Variants in SLC37A3 observed in about 807,000 individuals in gnomAD.
The protein encoded by SLC37A3 is sugar phosphate exchanger 3.
In SLC37A3, 51 loss-of-function variants were observed where a neutral mutation model predicts 67.1. The observed-to-expected ratio is 0.76, with a 90% CI of 0.61 to 0.96. The LOEUF is 0.96. SLC37A3 is among the 40% of genes least tolerant of loss of function. The pLI is 0.00. For missense variants in SLC37A3, 508 were observed against 603.0 expected (o/e 0.84, Z 1.65); for synonymous variants, 214 against 231.4 (o/e 0.92, Z 0.68).
chr7:140,359,886 CTG>C (rs1797195757), intron 5 of SLC37A3, among the ~76,000 whole-genome samples: 1 of 152,042 alleles, frequency 6.6e-6, no homozygotes, highest in African/African-American at 2.4e-5. Context: ...TATGTACAAA[CTG>C]CAGTTTTTAA....
At chr7:140,375,286 G>A (rs1013359376) in intron 3 of SLC37A3, among the ~76,000 whole-genome samples, 2 of 151,660 alleles carry the variant, frequency 1.3e-5, no homozygotes. Context: ...ACCAGCCTGG[G>A]CAACACAGTG....
chr7:140,351,129 C>A, intron 9 of SLC37A3, 144 bp downstream of exon 9: 1 of 744,362 alleles, frequency 1.3e-6, no homozygotes, highest in South Asian at 2.2e-5. Context: ...CTGAGGGGCA[C>A]TAGACAACAT....
At position 140,348,678 on chromosome 7, in the gene SLC37A3, C is replaced by T. The variant is rs766763457; in HGVS notation, c.972G>A (p.Lys324=). 8.1e-6 allele frequency: 13 copies of T among 1,614,034 alleles called. No individual in the cohort carries two copies. In the African/African-American group the frequency reaches 1.7e-4, roughly 22 times the overall value. The stretch of plus-strand genomic sequence containing the variant: ...TGGACAGCTTGTCGGCTTCCGCCTC[C>T]TTCCAGCCGAAGTTGTTACTCAGAT... ...PFYLSNNFGW[K]EAEADKLSIW... The change falls in exon 10 of 15, where the codon AAG becomes AAA. Residue 324 remains lysine (K), a synonymous_variant. Transcript: ENST00000326232.
chr7:140,375,170 AC>A lies in SLC37A3; in HGVS notation c.198+5111del, dbSNP rs1486040692. Among the ~76,000 whole-genome samples, 33 of 96,216 alleles carry A rather than the reference AC, an allele frequency of 3.4e-4. 1 individual carries two copies. In the South Asian group the frequency reaches 0.011, roughly 32 times the overall value. The allele number at this position is 96,216 out of a possible 152,430, so 63.1% of individuals were successfully genotyped here. ...TTCCGCCTCAAAAAAAAAACAAAAA[AC>A]AACAAAAAAAAAACAGGCTGGGTGC... On this transcript the variant is annotated intron_variant, in intron 3 of 14. Transcript: ENST00000326232.
Position 140,345,960 on chromosome 7 carries a change from C to A in SLC37A3, c.1035G>T (p.Leu345Phe). 1 of 1,613,302 alleles carries A rather than the reference C, an allele frequency of 6.2e-7. No homozygotes were observed. The highest frequency in any genetic ancestry group is 8.5e-7 in the Non-Finnish European group (1 of 1,179,428). ...GTAGTACATCAGAGATGAAGCCTTG[C>A]AAAGTTCCACCTTCAAGCAGAGTGT... The part of the protein sequence containing the change: ...YDVGGIIGGT[L>F]QGFISDVLQK... Residue 345 changes from leucine (L) to phenylalanine (F), a missense_variant, in exon 11 of 15, where the codon TTG becomes TTT. By Grantham distance (22) the Leu-to-Phe change is conservative (BLOSUM62 0). Coordinates refer to ENST00000326232, the MANE Select transcript of SLC37A3 (RefSeq NM_207113.3).
chr7:140,345,800 C>A (rs1796532065), intron 11 of SLC37A3, 69 bp downstream of exon 11: 4 of 1,267,806 alleles, frequency 3.2e-6, no homozygotes, highest in Non-Finnish European at 4.6e-6. Context: ...GTCACTGACT[C>A]CAAACAAATG....
intron 4 of SLC37A3, among the ~76,000 whole-genome samples, chr7:140,369,196 T>C (rs774406695): frequency 5.9e-5 from 9 of 152,194 alleles, no homozygotes; most frequent in Non-Finnish European, 1.0e-4. Context: ...CTCCCGGCTG[T>C]GCTACTTAAA....
intron 1 of SLC37A3, among the ~76,000 whole-genome samples, chr7:140,389,943 C>T (rs1798659052): frequency 6.6e-6 from 1 of 151,940 alleles, no homozygotes; most frequent in African/African-American, 2.4e-5. Flanking sequence ...TTTAAAATTT[C>T]GCCAGATGGG....
rs187867019 is a variant in SLC37A3 at position 140,335,231 on chromosome 7, G to A, written c.*181C>T. On this transcript the variant is annotated 3_prime_UTR_variant, in exon 15 of 15. Coordinates refer to ENST00000326232, the MANE Select transcript of SLC37A3 (RefSeq NM_207113.3). Reference sequence around the variant, plus strand: ...AAAATCATCAACAGTAATTCCTGTAGTGTAGAAAACTAGTGCAGCCTTCAC... The same window carrying A: ...AAAATCATCAACAGTAATTCCTGTAATGTAGAAAACTAGTGCAGCCTTCAC... 2 of 1,612,288 alleles carry A rather than the reference G, an allele frequency of 1.2e-6. No homozygotes were observed. The highest frequency in any genetic ancestry group is 2.2e-5 in the South Asian group (2 of 90,984).
chr7:140,358,576 G>A (rs12533035), intron 6 of SLC37A3, 64 bp downstream of exon 6: 117,158 of 1,602,676 alleles, frequency 0.073, 5,082 homozygotes, highest in Middle Eastern at 0.11. Context: ...ACTTTGACAA[G>A]TCTGAAAAAT....
intron 1 of SLC37A3, among the ~76,000 whole-genome samples, chr7:140,389,388 A>G (rs1190751482): frequency 1.3e-5 from 2 of 151,934 alleles, no homozygotes; most frequent in Non-Finnish European, 2.9e-5. Context: ...CCATCCCACC[A>G]GGGAACAGAA....
intron 3 of SLC37A3, among the ~76,000 whole-genome samples, chr7:140,376,084 G>A (rs556199035): frequency 6.9e-6 from 1 of 144,364 alleles, no homozygotes; most frequent in East Asian, 2.0e-4. Context: ...CCTCCAAGAA[G>A]TTACCAAAAA....
At chr7:140,351,602 T>C (rs1392650144) in intron 8 of SLC37A3, 151 bp from the exon 9 acceptor site, 5 of 682,484 alleles carry the variant, frequency 7.3e-6, no homozygotes, top group Non-Finnish European at 1.2e-5. Flanking sequence ...CTAAGGTCAA[T>C]TAAAGTCACA....
In SLC37A3 at chr7:140,334,904, G is replaced by A. The variant is rs546016636; in HGVS notation, c.*508C>T. ...TTTGTCCAAGGCAGGCTTGCAGCTC[G>A]GTCCAGCTTGAGCATTTGATCAGGA... On this transcript the variant is annotated 3_prime_UTR_variant, in exon 15 of 15. Transcript: ENST00000326232. 5 of 279,130 alleles carry A rather than the reference G, an allele frequency of 1.8e-5. No homozygotes were observed. In the East Asian group the frequency reaches 4.4e-4, roughly 25 times the overall value. 17.3% of individuals were successfully genotyped at this position (279,130 alleles called of 1,614,324 possible). A position where few individuals can be genotyped will look rare whatever the true frequency, so the allele number is the denominator to read the frequency against.
chr7:140,372,952 A>C (rs1221268978), intron 3 of SLC37A3, among the ~76,000 whole-genome samples: 1 of 151,900 alleles, frequency 6.6e-6, no homozygotes, highest in Non-Finnish European at 1.5e-5. Flanking sequence ...TGAGTACAAT[A>C]ATTTTTCTTT....
At chr7:140,379,076 T>A (rs1798145565) in intron 3 of SLC37A3, 1 of 152,074 alleles carries the variant, frequency 6.6e-6, no homozygotes, top group Non-Finnish European at 1.5e-5. Context: ...CTATCTGTAA[T>A]CCTAAAACTT....
rs1337629228 is a variant in SLC37A3 at position 140,361,530 on chromosome 7, C to T, written c.376-2745G>A. Among the ~76,000 whole-genome samples the T allele has an allele frequency of 7.6e-5, 8 of 105,588 alleles. 1 individual carries two copies. Among genetic ancestry groups the T allele is most frequent in the African/African-American group, 1.6e-4 (4 of 25,684 alleles). The allele number at this position is 105,588 out of a possible 152,430, so 69.3% of individuals were successfully genotyped here. On this transcript the variant is annotated intron_variant, in intron 5 of 14. Transcript: ENST00000326232. ...CCCTCCCCCTCCCCCTCCCCCTCCC[C>T]CTCCCTCTCTCCCTCTCCGTCTCCC...
chr7:140,387,756 A>AATATATTATATATATTATATATAATATAT (rs1798535450), intron 1 of SLC37A3, among the ~76,000 whole-genome samples: 1 of 77,466 alleles, frequency 1.3e-5, no homozygotes, highest in Non-Finnish European at 2.2e-5. Context: ...TATAAATATA[A>AATATATTATATATATTATATATAATATAT]ATATATTATA....
chr7:140,353,487 AAAAG>A (rs1426132709), intron 7 of SLC37A3, among the ~76,000 whole-genome samples: 1 of 151,764 alleles, frequency 6.6e-6, no homozygotes, highest in Non-Finnish European at 1.5e-5. Context: ...GGAAAAAAAA[AAAAG>A]AAAGTACAGT....
Sources: gnomAD v4.1 joint callset for allele counts (sites outside exome capture counted in the v4.1 genomes callset) on GRCh38, gnomAD v4.1.1 for gene constraint, MANE v1.5 for transcripts, NCBI Gene and HGNC (gene_info 2026-07-23, HGNC 2026-07-21) for gene names.